MON2: variants seen among roughly 807,000 people sequenced by gnomAD.
The protein encoded by MON2 is protein MON2 homolog.
MON2 carries 84 observed loss-of-function variants against 208.6 expected under a neutral mutation model. The observed-to-expected ratio is 0.40, with a 90% CI of 0.34 to 0.48. The LOEUF is 0.48. Ranked by LOEUF, MON2 falls within the 20% of genes least tolerant of loss-of-function variation. MON2 has a pLI of 0.59. For synonymous variants in MON2, 660 were observed against 694.0 expected, an observed-to-expected ratio of 0.95 and a Z score of 0.77; for missense variants, 1,611 against 2,015.4, an observed-to-expected ratio of 0.80 and a Z score of 3.84.
At chr12:62,588,042 T>G (rs2075275616) in intron 33 of MON2, 32 bp from the exon 34 acceptor site, 2 of 1,426,468 alleles carry the variant, frequency 1.4e-6, no homozygotes, top group Admixed American at 1.8e-5. Flanking sequence ...CTTTAAAATC[T>G]TAATGGAAAT....
At chr12:62,469,217 A>G (rs1412064591) in intron 1 of MON2, among the ~76,000 whole-genome samples, 1 of 150,226 alleles carries the variant, frequency 6.7e-6, no homozygotes, top group Non-Finnish European at 1.5e-5. Context: ...TGCTGGGATT[A>G]CAGGTGTGAA....
intron 29 of MON2, 26 bp downstream of exon 29, chr12:62,566,476 T>C (rs762278197): frequency 1.9e-6 from 3 of 1,595,188 alleles, no homozygotes; most frequent in Admixed American, 1.7e-5. Context: ...TTCTACACTT[T>C]CATTAGATGG....
chr12:62,592,830 T>C lies in MON2; in HGVS notation c.*81T>C. 1 of 1,358,108 alleles carries C rather than the reference T, an allele frequency of 7.4e-7. No homozygotes were observed. Among genetic ancestry groups the C allele is most frequent in the Non-Finnish European group, 1.0e-6 (1 of 1,004,764 alleles). 84.1% of individuals were successfully genotyped at this position (1,358,108 alleles called of 1,614,324 possible). A position where few individuals can be genotyped will look rare whatever the true frequency, so the allele number is the denominator to read the frequency against. Reference sequence around the variant, plus strand: ...TTGAGTCTTCTGTGAGAAGGACATTTCTTACTGCAGATAATTCTTGGCAGC... The same window carrying C: ...TTGAGTCTTCTGTGAGAAGGACATTCCTTACTGCAGATAATTCTTGGCAGC... On this transcript the variant is annotated 3_prime_UTR_variant, in exon 35 of 35. Transcript: ENST00000393630.
intron 8 of MON2, among the ~76,000 whole-genome samples, chr12:62,524,077 T>G (rs1176030134): frequency 6.6e-6 from 1 of 152,164 alleles, no homozygotes; most frequent in Non-Finnish European, 1.5e-5. Context: ...CTATAAAATT[T>G]ATACTAAGCA....
In MON2 at chr12:62,551,065, G is replaced by A. The variant is rs1026302995; in HGVS notation, c.2916+1235G>A. 2.6e-5 allele frequency among the ~76,000 whole-genome samples: 4 copies of A among 151,556 alleles called. No homozygotes were observed. In the East Asian group the frequency reaches 5.8e-4, roughly 22 times the overall value. On this transcript the variant is annotated intron_variant, in intron 23 of 34. Transcript: ENST00000393630. ...CTCCCATGTAGCTGGAATTATAGGC[G>A]CCCGCCATGATGTACTTTCTTATAG...
intron 9 of MON2, 141 bp from the exon 10 acceptor site, chr12:62,524,943 T>A: frequency 2.5e-6 from 2 of 806,332 alleles, no homozygotes; most frequent in South Asian, 4.2e-5. Context: ...TGTCCTAAAT[T>A]GGTAAAATTA....
At position 62,599,078 on chromosome 12, in the gene MON2, A is replaced by G. The variant is rs971761049; in HGVS notation, c.*6329A>G. 6.6e-6 allele frequency: 1 copy of G among 152,086 alleles called. No homozygotes were observed. The allele number at this position is 152,086 out of a possible 1,614,324, so 9.4% of individuals were successfully genotyped here. A position where few individuals can be genotyped will look rare whatever the true frequency, so the allele number is the denominator to read the frequency against. On this transcript the variant is annotated 3_prime_UTR_variant, in exon 35 of 35. Transcript: ENST00000393630. ...ATCACTTACTCTGTTTAAAGACTTT[A>G]CGAGTAGTGAGTCACATGTTTAGGA... is the stretch of plus-strand genomic sequence containing the variant.
chr12:62,576,998 ATAT>A (rs1186753200), intron 30 of MON2, among the ~76,000 whole-genome samples: 2 of 151,746 alleles, frequency 1.3e-5, no homozygotes, highest in African/African-American at 2.4e-5. Context: ...CACACTAATA[ATAT>A]TAATATTATT....
At chr12:62,515,885 A>G (rs1362579022) in intron 8 of MON2, among the ~76,000 whole-genome samples, 1 of 152,160 alleles carries the variant, frequency 6.6e-6, no homozygotes, top group Non-Finnish European at 1.5e-5. Context: ...ACTCAACTGT[A>G]CACGTAAATA....
chr12:62,580,251 T>G, intron 31 of MON2, 46 bp from the exon 32 acceptor site: 1 of 1,561,658 alleles, frequency 6.4e-7, no homozygotes. Flanking sequence ...TATTTTAGTC[T>G]CTTTCAAAGA....
chr12:62,481,138 A>T (rs957960382), intron 1 of MON2, among the ~76,000 whole-genome samples: 1 of 152,166 alleles, frequency 6.6e-6, no homozygotes, highest in African/African-American at 2.4e-5. Context: ...ATCACTAACA[A>T]TCTTGGGCCA....
intron 8 of MON2, among the ~76,000 whole-genome samples, chr12:62,520,700 C>G (rs1028582536): frequency 6.6e-6 from 1 of 151,644 alleles, no homozygotes; most frequent in African/African-American, 2.4e-5. Context: ...TTTAGGAGAC[C>G]GATCACCTGA....
chr12:62,483,781 T>G (rs1482668340), intron 1 of MON2, among the ~76,000 whole-genome samples: 1 of 152,132 alleles, frequency 6.6e-6, no homozygotes, highest in Non-Finnish European at 1.5e-5. Flanking sequence ...ATAATTTTTT[T>G]GTGTGTGGTG....
chr12:62,482,385 G>T lies in MON2; in HGVS notation c.112-1785G>T, dbSNP rs935334706. ...TCTTTATTTTAGACATCAATTCATT[G>T]TTTGTCAGACTAACAGGCCATAGCA... is the stretch of plus-strand genomic sequence containing the variant. On this transcript the variant is annotated intron_variant, in intron 1 of 34. Transcript: ENST00000393630. 2.6e-5 allele frequency: 4 copies of T among 152,130 alleles called. No homozygotes were observed. The East Asian group carries it at 5.8e-4, about 22-fold the overall frequency. The allele number at this position is 152,130 out of a possible 1,614,324, so 9.4% of individuals were successfully genotyped here.
rs775222903 is a variant in MON2 at position 62,494,019 on chromosome 12, A to C, written c.280A>C (p.Met94Leu). 1 of 1,613,024 alleles carries C rather than the reference A, an allele frequency of 6.2e-7. No homozygotes were observed. The highest frequency in any genetic ancestry group is 1.1e-5 in the South Asian group (1 of 90,980). The change falls in exon 3 of 35, where the codon ATG becomes CTG. Residue 94 changes from methionine (M) to leucine (L), a missense_variant. Transcript: ENST00000393630. Reference protein sequence around the residue: ...QLCLAAIQRLMSHEVVSETAA... With the variant: ...QLCLAAIQRLLSHEVVSETAA... ...ATGTTTGGCTGCTATTCAGAGACTC[A>C]TGTCACATGAAGTCGTGTCTGAGGT...
At chr12:62,572,531 G>T (rs372582072) in intron 30 of MON2, among the ~76,000 whole-genome samples, 1 of 152,030 alleles carries the variant, frequency 6.6e-6, no homozygotes, top group Non-Finnish European at 1.5e-5. Flanking sequence ...CTGCAGCCTC[G>T]ACCTCCCAGG....
intron 29 of MON2, among the ~76,000 whole-genome samples, chr12:62,568,806 C>T (rs1471501103): frequency 6.6e-6 from 1 of 152,106 alleles, no homozygotes; most frequent in Non-Finnish European, 1.5e-5. Flanking sequence ...GCACACACCA[C>T]CACGCATGGC....
Position 62,588,113 on chromosome 12 carries a change from C to G in MON2, c.4947C>G (p.Val1649=), listed in dbSNP as rs1215623594. ...VTEIIFVLKA[V]STLIDSLKKT... is the part of the protein sequence containing the mutation. ...AAATTATATTTGTTTTAAAAGCAGT[C>G]AGTACTCTTATTGATTCACTTAAGA... is the stretch of plus-strand genomic sequence containing the variant. The change falls in exon 34 of 35, where the codon GTC becomes GTG. Residue 1649 remains valine, a synonymous_variant. Coordinates refer to ENST00000393630, the MANE Select transcript of MON2 (RefSeq NM_015026.3). 3 of 1,583,994 alleles carry G rather than the reference C, an allele frequency of 1.9e-6. No homozygotes were observed.
At chr12:62,587,369 C>T (rs1286007811) in intron 33 of MON2, among the ~76,000 whole-genome samples, 2 of 141,796 alleles carry the variant, frequency 1.4e-5, no homozygotes, top group Non-Finnish European at 3.2e-5. Context: ...TCTTTTAGTA[C>T]TAATTAGTTT....
Sources: allele counts gnomAD v4.1 joint callset (sites outside exome capture counted in the v4.1 genomes callset), GRCh38; gene constraint gnomAD v4.1.1; transcripts MANE v1.5; gene names NCBI Gene and HGNC (gene_info 2026-07-23, HGNC 2026-07-21).